Variants in ATP6V1H observed in about 807,000 individuals in gnomAD.
The protein encoded by ATP6V1H is ATPase H+ transporting V1 subunit H.
ATP6V1H carries 39 observed loss-of-function variants against 71.7 expected under a neutral mutation model. The ratio of observed to expected loss-of-function variants is 0.54; its 90% CI spans 0.42 to 0.71. The LOEUF is 0.71. Ranked by LOEUF, ATP6V1H falls within the 30% of genes least tolerant of loss-of-function variation. The pLI, the probability that ATP6V1H is intolerant of heterozygous loss-of-function variation, is 0.00. For missense variants in ATP6V1H, 509 were observed against 594.9 expected (o/e 0.86, Z 1.50); for synonymous variants, 192 against 199.3 (o/e 0.96, Z 0.31).
At chr8:53,836,846 A>G (rs922390018) in intron 2 of ATP6V1H, among the ~76,000 whole-genome samples, 10 of 152,306 alleles carry the variant, frequency 6.6e-5, no homozygotes, top group Non-Finnish European at 1.3e-4. Context: ...TCTTTAAAAG[A>G]GAATAGGATA....
At chr8:53,754,969 A>C (rs1224964976) in intron 12 of ATP6V1H, among the ~76,000 whole-genome samples, 1 of 152,210 alleles carries the variant, frequency 6.6e-6, no homozygotes, top group Non-Finnish European at 1.5e-5. Flanking sequence ...AGAGCCGTTG[A>C]CTGGCATTTT....
intron 12 of ATP6V1H, among the ~76,000 whole-genome samples, chr8:53,744,863 T>C (rs2130192181): frequency 6.6e-6 from 1 of 152,218 alleles, no homozygotes; most frequent in Admixed American, 6.5e-5. Flanking sequence ...ACAAGTCCTT[T>C]ACCTGGTAAA....
At chr8:53,814,230 C>G (rs1021637377) in intron 6 of ATP6V1H, among the ~76,000 whole-genome samples, 1 of 152,162 alleles carries the variant, frequency 6.6e-6, no homozygotes, top group Non-Finnish European at 1.5e-5. Context: ...GGTTCACAAT[C>G]CTGGGGCAGC....
At chr8:53,778,689 C>G (rs567426000) in intron 9 of ATP6V1H, among the ~76,000 whole-genome samples, 3 of 151,966 alleles carry the variant, frequency 2.0e-5, no homozygotes, top group Non-Finnish European at 4.4e-5. Flanking sequence ...AAACAGAAAA[C>G]AAAGAGTAAA....
chr8:53,771,933 C>A, intron 10 of ATP6V1H, 56 bp downstream of exon 10: 1 of 1,499,518 alleles, frequency 6.7e-7, no homozygotes, highest in South Asian at 1.2e-5. Context: ...AAATGCTATG[C>A]AAGTCAAACA....
rs527706519 is a variant in ATP6V1H at position 53,732,984 on chromosome 8, C to T, written c.1391+10593G>A. Among the ~76,000 whole-genome samples, 96 of 152,290 alleles carry T rather than the reference C, an allele frequency of 6.3e-4. 1 individual carries two copies. Among genetic ancestry groups the T allele is most frequent in the Admixed American group, 6.1e-3 (94 of 15,304 alleles). On this transcript the variant is annotated intron_variant, in intron 13 of 13. Transcript: ENST00000359530. The stretch of plus-strand genomic sequence containing the variant: ...GCTCGAGCTATGCAAATGCCCCTGA[C>T]GGAGCAGTGATATACTGGGGTAGAC...
chr8:53,832,771 C>G, intron 3 of ATP6V1H: 1 of 392,708 alleles, frequency 2.5e-6, no homozygotes, highest in Non-Finnish European at 4.5e-6. Context: ...TTAACATACT[C>G]TGAAACAGTA....
Position 53,715,956 on chromosome 8 carries a change from A to G in ATP6V1H, c.*8T>C. The G allele has an allele frequency of 6.2e-7, 1 of 1,608,302 alleles. No homozygotes were observed. ...GCATTGAGGCGGAGGGGAAGGCCAG[A>G]GGCAGGCTTAGCTTCGGGCGGCAGC... On this transcript the variant is annotated 3_prime_UTR_variant, in exon 14 of 14. Transcript: ENST00000359530.
intron 9 of ATP6V1H, among the ~76,000 whole-genome samples, chr8:53,781,999 G>T (rs1809155319): frequency 6.6e-6 from 1 of 152,170 alleles, no homozygotes; most frequent in South Asian, 2.1e-4. Flanking sequence ...TGTTCTTTTG[G>T]CTTAGGATTA....
chr8:53,805,169 A>G (rs1452054831), intron 7 of ATP6V1H, among the ~76,000 whole-genome samples: 5 of 152,266 alleles, frequency 3.3e-5, no homozygotes, highest in Non-Finnish European at 7.3e-5. Flanking sequence ...AAACTAAGTG[A>G]AAAAGAATAA....
intron 9 of ATP6V1H, among the ~76,000 whole-genome samples, chr8:53,781,995 T>G (rs1195509082): frequency 2.0e-5 from 3 of 152,244 alleles, no homozygotes; most frequent in African/African-American, 7.2e-5. Flanking sequence ...GCTTTGTTCT[T>G]TTGGCTTAGG....
At chr8:53,824,045 G>A (rs886645683) in intron 4 of ATP6V1H, among the ~76,000 whole-genome samples, 21 of 150,868 alleles carry the variant, frequency 1.4e-4, no homozygotes, top group Non-Finnish European at 2.7e-4. Context: ...TGACATGGGG[G>A]ACATAATATG....
intron 13 of ATP6V1H, among the ~76,000 whole-genome samples, chr8:53,740,952 C>A (rs566338448): frequency 1.3e-5 from 2 of 152,166 alleles, no homozygotes; most frequent in African/African-American, 2.4e-5. Flanking sequence ...TTCCTTCATA[C>A]AAAAATTTCT....
chr8:53,762,599 T>A (rs1808305991), intron 11 of ATP6V1H, among the ~76,000 whole-genome samples: 1 of 151,740 alleles, frequency 6.6e-6, no homozygotes, highest in South Asian at 2.1e-4. Context: ...GCAATTAATA[T>A]AACATAGTAT....
At chr8:53,774,260 G>A (rs1808783418) in intron 9 of ATP6V1H, among the ~76,000 whole-genome samples, 1 of 152,232 alleles carries the variant, frequency 6.6e-6, no homozygotes, top group South Asian at 2.1e-4. Context: ...ATAGAATTCT[G>A]AGTTTATAAT....
At position 53,811,178 on chromosome 8, in the gene ATP6V1H, C is replaced by CTGT. The variant is rs1563477425; in HGVS notation, c.562_564dup (p.Thr188dup). ...AATATACTTACATCACTTGAAGAGACTGTTCCTGTTTCAACAGCAACACCG... is the reference window on the plus strand; with the variant it reads ...AATATACTTACATCACTTGAAGAGACTGTTGTTCCTGTTTCAACAGCAACACCG... On this transcript the variant is annotated inframe_insertion, in exon 7 of 14. Transcript: ENST00000359530. 1 of 1,613,346 alleles carries CTGT rather than the reference C, an allele frequency of 6.2e-7. No individual in the cohort carries two copies. Among genetic ancestry groups the CTGT allele is most frequent in the East Asian group, 2.2e-5 (1 of 44,796 alleles).
At chr8:53,836,643 C>G (rs1032743771) in intron 2 of ATP6V1H, among the ~76,000 whole-genome samples, 6 of 152,200 alleles carry the variant, frequency 3.9e-5, no homozygotes, top group African/African-American at 1.4e-4. Flanking sequence ...CAACCTTCTT[C>G]AAAACCATCT....
intron 12 of ATP6V1H, among the ~76,000 whole-genome samples, chr8:53,755,722 A>T (rs868720785): frequency 5.2e-4 from 3 of 5,744 alleles, no homozygotes; most frequent in African/African-American, 2.2e-3. Flanking sequence ...ATATATATAT[A>T]TATATATATA....
intron 13 of ATP6V1H, 128 bp from the exon 14 acceptor site, chr8:53,716,152 G>T: frequency 2.8e-6 from 2 of 710,952 alleles, no homozygotes; most frequent in Non-Finnish European, 4.5e-6. Flanking sequence ...AAAAGTCCTA[G>T]AAAATTAAAC....
Sources: gnomAD v4.1 joint callset for allele counts (sites outside exome capture counted in the v4.1 genomes callset) on GRCh38, gnomAD v4.1.1 for gene constraint, MANE v1.5 for transcripts, NCBI Gene and HGNC (gene_info 2026-07-23, HGNC 2026-07-21) for gene names.